MFAP1: variants seen among roughly 807,000 people sequenced by gnomAD.
The protein encoded by MFAP1 is microfibrillar-associated protein 1.
Under a neutral mutation model 62.2 loss-of-function variants are expected in MFAP1, and 18 were observed. The observed-to-expected ratio is 0.29, with a 90% CI of 0.20 to 0.43. The LOEUF is 0.43. Among genes scored for constraint, MFAP1 ranks in the 20% least tolerant of loss-of-function variants. The probability of loss-of-function intolerance (pLI) is 1.00; values close to 1 mark genes in which losing one functional copy is unlikely to be tolerated. For synonymous variants in MFAP1, 175 were observed against 180.4 expected, an observed-to-expected ratio of 0.97 and a Z score of 0.24; for missense variants, 355 against 559.7, an observed-to-expected ratio of 0.63 and a Z score of 3.69.
chr15:43,818,883 C>A (rs940346629), intron 1 of MFAP1, among the ~76,000 whole-genome samples: 3 of 151,972 alleles, frequency 2.0e-5, no homozygotes, highest in Admixed American at 2.0e-4. Flanking sequence ...TAGAGTGAGA[C>A]CCTGTGTCAA....
intron 4 of MFAP1, among the ~76,000 whole-genome samples, chr15:43,813,727 G>C (rs1275446190): frequency 6.6e-6 from 1 of 151,626 alleles, no homozygotes; most frequent in Non-Finnish European, 1.5e-5. Context: ...GGCTAGGCTG[G>C]TCTTGAACTC....
In MFAP1 at chr15:43,805,387, T is replaced by C; in HGVS notation, c.1126A>G (p.Lys376Glu). The C allele has an allele frequency of 1.9e-6, 3 of 1,613,302 alleles. No homozygotes were observed. Among genetic ancestry groups the C allele is most frequent in the Non-Finnish European group, 2.5e-6 (3 of 1,179,830 alleles). The change falls in exon 8 of 9, where the codon AAA becomes GAA. Residue 376 changes from lysine (K) to glutamate (E), a missense_variant. Around this residue, in one of 6 missense-constraint regions of MFAP1, gnomAD observed 44 missense variants for 80.8 expected, o/e 0.54. Coordinates refer to ENST00000267812, the MANE Select transcript of MFAP1 (RefSeq NM_005926.3). The stretch of plus-strand genomic sequence containing the variant: ...AAGGTTCCCCATACCTGCATGACTT[T>C]AGGAAGAATGGTTTTATTGAAATGA... ...EDHFNKTILP[K>E]VMQVKNFGRS...
chr15:43,806,762 C>T (rs1235178316), intron 7 of MFAP1, among the ~76,000 whole-genome samples: 2 of 152,152 alleles, frequency 1.3e-5, no homozygotes, highest in African/African-American at 4.8e-5. Flanking sequence ...ATCTCAGCTA[C>T]ACAGGAGGCC....
In MFAP1 at chr15:43,824,474, G is replaced by A; in HGVS notation, c.79+17C>T. On this transcript the variant is annotated intron_variant, in intron 1 of 8. Coordinates refer to ENST00000267812, the MANE Select transcript of MFAP1 (RefSeq NM_005926.3). The stretch of plus-strand genomic sequence containing the variant: ...AGGGGTTAAAATTCGACTGGGAAGA[G>A]GGTGTTAGCACCGTACCTTTCTCAT... 6.2e-7 allele frequency: 1 copy of A among 1,613,050 alleles called. No individual in the cohort carries two copies. Among genetic ancestry groups the A allele is most frequent in the East Asian group, 2.2e-5 (1 of 44,808 alleles).
intron 7 of MFAP1, 148 bp downstream of exon 7, chr15:43,809,607 T>C: frequency 1.1e-6 from 1 of 911,786 alleles, no homozygotes; most frequent in South Asian, 1.8e-5. Flanking sequence ...TCTCTGAGTT[T>C]ATATTGTTCA....
chr15:43,819,998 A>C (rs920049451), intron 1 of MFAP1, among the ~76,000 whole-genome samples: 25 of 152,228 alleles, frequency 1.6e-4, no homozygotes, highest in African/African-American at 6.0e-4. Flanking sequence ...AGACAAAAAA[A>C]TTAGCCAGGC....
chr15:43,811,913 G>A (rs927766091), intron 6 of MFAP1, among the ~76,000 whole-genome samples: 1 of 152,080 alleles, frequency 6.6e-6, no homozygotes, highest in Non-Finnish European at 1.5e-5. Context: ...TGCTGGGGCC[G>A]GGCATGATGG....
chr15:43,813,222 T>G, intron 5 of MFAP1, 27 bp downstream of exon 5: 1 of 1,614,124 alleles, frequency 6.2e-7, no homozygotes, highest in Non-Finnish European at 8.5e-7. Context: ...TTTCTTGTAC[T>G]CATTCCTTGC....
chr15:43,805,963 TC>T (rs1467357826), intron 7 of MFAP1, among the ~76,000 whole-genome samples: 1 of 150,040 alleles, frequency 6.7e-6, no homozygotes, highest in Non-Finnish European at 1.5e-5. Flanking sequence ...TTTTTTTTTT[TC>T]CCTGAGACAG....
At chr15:43,816,691 G>A (rs1011425693) in intron 2 of MFAP1, among the ~76,000 whole-genome samples, 16 of 152,118 alleles carry the variant, frequency 1.1e-4, no homozygotes, top group Non-Finnish European at 1.5e-4. Context: ...AATTATGAAC[G>A]GTGAAAGTTC....
chr15:43,822,872 C>G (rs2087475084), intron 1 of MFAP1, among the ~76,000 whole-genome samples: 1 of 151,560 alleles, frequency 6.6e-6, no homozygotes, highest in South Asian at 2.1e-4. Context: ...AAGTCTTGCT[C>G]TTGTCCCCCA....
chr15:43,809,705 TC>T, intron 7 of MFAP1, 49 bp downstream of exon 7: 1 of 1,581,568 alleles, frequency 6.3e-7, no homozygotes. Flanking sequence ...ATTCAAAGTT[TC>T]TGAGTTATTC....
intron 1 of MFAP1, 35 bp downstream of exon 1, chr15:43,824,455 TA>T: frequency 6.2e-7 from 1 of 1,611,168 alleles, no homozygotes; most frequent in Non-Finnish European, 8.5e-7. Flanking sequence ...CGGAAGGGGT[TA>T]AAATTCGACT....
rs1300221243 is a variant in MFAP1 at position 43,805,473 on chromosome 15, A to G, written c.1048-8T>C. On this transcript the variant is annotated splice_polypyrimidine_tract_variant and splice_region_variant and intron_variant, in intron 7 of 8. Coordinates refer to ENST00000267812, the MANE Select transcript of MFAP1 (RefSeq NM_005926.3). ...TACTTCTTCATCCTCATCCTGTATA[A>G]AAAAAATCTTATCAATCTTGTGGCT... 1 of 1,596,238 alleles carries G rather than the reference A, an allele frequency of 6.3e-7. No homozygotes were observed. The highest frequency in any genetic ancestry group is 8.5e-7 in the Non-Finnish European group (1 of 1,175,070).
intron 6 of MFAP1, among the ~76,000 whole-genome samples, 175 bp downstream of exon 6, chr15:43,812,812 C>T (rs2087410070): frequency 6.6e-6 from 1 of 152,120 alleles, no homozygotes; most frequent in South Asian, 2.1e-4. Context: ...TTTTCTCTTC[C>T]CTGATTTCAC....
At chr15:43,807,541 G>A (rs1327067463) in intron 7 of MFAP1, among the ~76,000 whole-genome samples, 1 of 151,220 alleles carries the variant, frequency 6.6e-6, no homozygotes, top group Non-Finnish European at 1.5e-5. Context: ...GTAGAGATGG[G>A]TTTTCACCAT....
At chr15:43,819,467 A>T (rs2930529) in intron 1 of MFAP1, among the ~76,000 whole-genome samples, 120,323 of 152,118 alleles carry the variant, frequency 0.79, 48,239 homozygotes, top group East Asian at 1. Flanking sequence ...TCACATTTTT[A>T]AAAAATAATA....
At chr15:43,821,545 T>C (rs1246148349) in intron 1 of MFAP1, among the ~76,000 whole-genome samples, 1 of 152,050 alleles carries the variant, frequency 6.6e-6, no homozygotes, top group East Asian at 1.9e-4. Flanking sequence ...AACAAACTTA[T>C]ATGAGAACTC....
intron 6 of MFAP1, among the ~76,000 whole-genome samples, chr15:43,812,300 C>G (rs190042866): frequency 3.3e-5 from 5 of 152,242 alleles, no homozygotes; most frequent in African/African-American, 1.2e-4. Flanking sequence ...CTTTGCTGCT[C>G]CTCCTCTGCA....
Sources: allele counts gnomAD v4.1 joint callset (sites outside exome capture counted in the v4.1 genomes callset), GRCh38; gene constraint gnomAD v4.1.1; regional missense constraint gnomAD v4.1.1; transcripts MANE v1.5; gene names NCBI Gene and HGNC (gene_info 2026-07-23, HGNC 2026-07-21).